Variants in ODR4 observed in about 807,000 individuals in gnomAD.
ODR4 encodes protein odr-4 homolog.
Under a neutral mutation model 60.2 loss-of-function variants are expected in ODR4, and 47 were observed. That is an observed-to-expected ratio of 0.78 (90% confidence interval 0.62 to 1.00). ODR4 has a LOEUF of 1.00. Ranked by LOEUF, ODR4 falls within the 50% of genes least tolerant of loss-of-function variation. ODR4 has a pLI of 0.00. For synonymous variants in ODR4, 178 were observed against 175.5 expected, an observed-to-expected ratio of 1.01 and a Z score of -0.11; for missense variants, 488 against 530.8, an observed-to-expected ratio of 0.92 and a Z score of 0.79.
chr1:186,426,306 T>C (rs1661878557), downstream of ODR4, among the ~76,000 whole-genome samples: 1 of 152,206 alleles, frequency 6.6e-6, no homozygotes, highest in Non-Finnish European at 1.5e-5. Context: ...CTCATGACTC[T>C]TTGTATAGAA....
chr1:186,402,625 GT>G (rs1453088961), intron 11 of ODR4, among the ~76,000 whole-genome samples: 1 of 149,748 alleles, frequency 6.7e-6, no homozygotes, highest in Middle Eastern at 3.2e-3. Context: ...TGTCCAGGCT[GT>G]AGTCCTGTGG....
intron 9 of ODR4, among the ~76,000 whole-genome samples, chr1:186,397,509 T>C (rs1660750764): frequency 1.3e-5 from 2 of 152,108 alleles, no homozygotes; most frequent in Admixed American, 1.3e-4. Context: ...GTGTTTTGGG[T>C]TTGGGATTTT....
chr1:186,399,134 G>C, intron 11 of ODR4, 90 bp downstream of exon 11: 1 of 814,056 alleles, frequency 1.2e-6, no homozygotes, highest in Non-Finnish European at 2.1e-6. Flanking sequence ...ATCTTTTATA[G>C]CTACCTATCT....
downstream of ODR4, among the ~76,000 whole-genome samples, chr1:186,423,271 T>TA (rs1341101537): frequency 1.3e-5 from 2 of 152,064 alleles, no homozygotes; most frequent in Non-Finnish European, 2.9e-5. Context: ...TTACTGATAT[T>TA]AAATCAGAGA....
rs1661163911 is a variant in ODR4 at position 186,406,079 on chromosome 1, T to C, written c.1001-4T>C. ...AATATTGATAATATTTCTTTTCCTT[T>C]TAGATTCTGAAAAAGAGTTCCACGT... On this transcript the variant is annotated splice_region_variant and splice_polypyrimidine_tract_variant and intron_variant, in intron 11 of 13. Coordinates refer to ENST00000287859, the MANE Select transcript of ODR4 (RefSeq NM_017847.6). 1 of 1,547,890 alleles carries C rather than the reference T, an allele frequency of 6.5e-7. No homozygotes were observed. The highest frequency in any genetic ancestry group is 8.7e-7 in the Non-Finnish European group (1 of 1,147,114).
intron 5 of ODR4, among the ~76,000 whole-genome samples, chr1:186,388,823 C>T (rs1045270547): frequency 1.3e-5 from 2 of 152,170 alleles, no homozygotes; most frequent in African/African-American, 2.4e-5. Context: ...CATCCAAGCA[C>T]AGCAGATTCC....
rs1661693657 is a variant in ODR4, at chr1:186,419,129, T to C, written c.*53T>C. On this transcript the variant is annotated 3_prime_UTR_variant, in exon 14 of 14. Transcript: ENST00000287859. ...TCCAGAGAACATTGACAGACAATTATGAATAATAAAGATGTTAACAATCCA... is the reference window on the plus strand; with the variant it reads ...TCCAGAGAACATTGACAGACAATTACGAATAATAAAGATGTTAACAATCCA... 7.0e-7 allele frequency: 1 copy of C among 1,435,632 alleles called. No homozygotes were observed. Among genetic ancestry groups the C allele is most frequent in the Non-Finnish European group, 9.7e-7 (1 of 1,032,102 alleles). The allele number at this position is 1,435,632 out of a possible 1,614,324, so 88.9% of individuals were successfully genotyped here. A position where few individuals can be genotyped will look rare whatever the true frequency, so the allele number is the denominator to read the frequency against.
intron 3 of ODR4, among the ~76,000 whole-genome samples, chr1:186,384,770 A>G (rs1015816926): frequency 6.6e-6 from 1 of 152,182 alleles, no homozygotes; most frequent in Non-Finnish European, 1.5e-5. Flanking sequence ...CTTATGCTAA[A>G]TATGAAAACT....
rs1335272168 is a variant in ODR4, at chr1:186,408,555, CAT to C, written c.1186+2288_1186+2289del. Among the ~76,000 whole-genome samples the C allele has an allele frequency of 4.0e-5, 6 of 149,056 alleles. No homozygotes were observed. In the East Asian group the frequency reaches 5.9e-4, roughly 15 times the overall value. ...TAATATAAACATATACATACATAAACATGTAATATAAACAATTTGTGTATGTA... is the reference window on the plus strand; with the variant it reads ...TAATATAAACATATACATACATAAACGTAATATAAACAATTTGTGTATGTA... On this transcript the variant is annotated intron_variant, in intron 12 of 13. Transcript: ENST00000287859.
chr1:186,417,503 C>G (rs1399857442), intron 12 of ODR4, 41 bp from the exon 13 acceptor site: 1 of 1,110,460 alleles, frequency 9.0e-7, no homozygotes, highest in South Asian at 1.4e-5. Flanking sequence ...ATGTGTTAAT[C>G]CTTATTTTAT....
At chr1:186,383,461 G>T (rs973905514) in intron 3 of ODR4, among the ~76,000 whole-genome samples, 1 of 151,964 alleles carries the variant, frequency 6.6e-6, no homozygotes, top group African/African-American at 2.4e-5. Flanking sequence ...CTTTTCTGGG[G>T]TTGGGGGTGA....
intron 12 of ODR4, among the ~76,000 whole-genome samples, chr1:186,409,658 G>C (rs1256848180): frequency 6.6e-6 from 1 of 152,134 alleles, no homozygotes; most frequent in South Asian, 2.1e-4. Context: ...CGATTCTCCT[G>C]CCTCAGCCTC....
intron 5 of ODR4, 136 bp downstream of exon 5, chr1:186,388,684 G>A (rs1471029522): frequency 5.5e-6 from 3 of 546,162 alleles, no homozygotes; most frequent in Non-Finnish European, 9.7e-6. Flanking sequence ...AAATAACATG[G>A]AATTAGAGCC....
intron 9 of ODR4, among the ~76,000 whole-genome samples, chr1:186,396,639 C>A (rs1239012557): frequency 2.0e-5 from 3 of 151,462 alleles, no homozygotes; most frequent in African/African-American, 7.3e-5. Context: ...AACCAACCAA[C>A]CAAAAAAATA....
intron 1 of ODR4, among the ~76,000 whole-genome samples, chr1:186,376,933 C>A (rs1010372828): frequency 2.0e-5 from 3 of 152,142 alleles, no homozygotes; most frequent in African/African-American, 7.2e-5. Flanking sequence ...GTGCTTGGAC[C>A]ACAAAGGCTT....
chr1:186,391,704 T>A lies in ODR4; in HGVS notation c.624T>A (p.Leu208=). The change falls in exon 8 of 14, where the codon CTT becomes CTA. Residue 208 remains leucine, a synonymous_variant. Coordinates refer to ENST00000287859, the MANE Select transcript of ODR4 (RefSeq NM_017847.6). ...YTLEKNTKNG[L]TRWAKEIENG... ...GTTGTGTTTCTGTTAAGAATGGACT[T>A]ACACGCTGGGCCAAGGAAATAGAAA... The A allele has an allele frequency of 6.3e-7, 1 of 1,595,904 alleles. No individual in the cohort carries two copies. The highest frequency in any genetic ancestry group is 8.6e-7 in the Non-Finnish European group (1 of 1,169,116).
chr1:186,388,332 A>C (rs1660327625), intron 4 of ODR4, 110 bp from the exon 5 acceptor site: 2 of 602,928 alleles, frequency 3.3e-6, no homozygotes, highest in Non-Finnish European at 5.6e-6. Context: ...ATAAAGAATC[A>C]TGGAATTTTA....
At chr1:186,381,942 C>G (rs1042083998) in intron 2 of ODR4, among the ~76,000 whole-genome samples, 1 of 152,130 alleles carries the variant, frequency 6.6e-6, no homozygotes, top group Admixed American at 6.5e-5. Flanking sequence ...TACTAATGAT[C>G]AGAGTTTCAG....
At chr1:186,424,139 T>C (rs1447007481), downstream of ODR4, among the ~76,000 whole-genome samples, 1 of 152,204 alleles carries the variant, frequency 6.6e-6, no homozygotes, top group Non-Finnish European at 1.5e-5. Flanking sequence ...GTGGCAGCCC[T>C]GTTTTTAATT....
Sources: gnomAD v4.1 joint callset for allele counts (sites outside exome capture counted in the v4.1 genomes callset) on GRCh38, gnomAD v4.1.1 for gene constraint, MANE v1.5 for transcripts, NCBI Gene and HGNC (gene_info 2026-07-23, HGNC 2026-07-21) for gene names.